Variants in RBMS3 observed in about 807,000 individuals in gnomAD.
The protein encoded by RBMS3 is RNA binding motif single stranded interacting protein 3.
RBMS3 carries 27 observed loss-of-function variants against 66.8 expected under a neutral mutation model. That is an observed-to-expected ratio of 0.40 (90% CI 0.30 to 0.56). The LOEUF (loss-of-function observed/expected upper bound fraction) is 0.56. RBMS3 is among the 20% of genes least tolerant of loss of function. RBMS3 has a pLI of 0.40. For synonymous variants in RBMS3, 188 were observed against 183.0 expected, an observed-to-expected ratio of 1.03 and a Z score of -0.22; for missense variants, 513 against 549.5, an observed-to-expected ratio of 0.93 and a Z score of 0.66.
intron 6 of RBMS3, among the ~76,000 whole-genome samples, chr3:29,859,657 G>C (rs1299289904): frequency 6.6e-6 from 1 of 152,190 alleles, no homozygotes; most frequent in Non-Finnish European, 1.5e-5. Flanking sequence ...CGCCTTGCTT[G>C]TTATTGTACA....
chr3:29,739,826 C>T lies in RBMS3; in HGVS notation c.506C>T (p.Thr169Ile). ...AAACCCTTTGGACATGTCATTTCCA[C>T]AAGAATACTAAGAGACGCTAATGGA... ...MLKPFGHVIS[T>I]RILRDANGVS... is the part of the protein sequence containing the mutation. Residue 169 changes from threonine to isoleucine, a missense_variant, in exon 5 of 15, where the codon ACA becomes ATA. Transcript: ENST00000383767. The T allele has an allele frequency of 6.2e-7, 1 of 1,613,064 alleles. No individual in the cohort carries two copies. The highest frequency in any genetic ancestry group is 1.3e-5 in the African/African-American group (1 of 74,996).
chr3:29,828,263 T>G (rs532220800), intron 6 of RBMS3, among the ~76,000 whole-genome samples: 43 of 152,296 alleles, frequency 2.8e-4, no homozygotes, highest in African/African-American at 9.6e-4. Flanking sequence ...CTCCGTCTGG[T>G]GGCTCTTTCC....
chr3:29,986,440 T>G (rs1253395821), intron 12 of RBMS3, among the ~76,000 whole-genome samples: 1 of 152,164 alleles, frequency 6.6e-6, no homozygotes, highest in Non-Finnish European at 1.5e-5. Flanking sequence ...TATGTCAATA[T>G]CAAGAAGAGG....
chr3:29,757,446 C>G (rs1447552714), intron 5 of RBMS3, among the ~76,000 whole-genome samples: 1 of 152,100 alleles, frequency 6.6e-6, no homozygotes, highest in Non-Finnish European at 1.5e-5. Context: ...ATAAAACATA[C>G]CTGTAGACTG....
chr3:29,808,660 G>A (rs541524006), intron 6 of RBMS3, among the ~76,000 whole-genome samples: 28 of 151,980 alleles, frequency 1.8e-4, no homozygotes, highest in African/African-American at 6.5e-4. Flanking sequence ...ATAATTTAAC[G>A]TCTGGGTAAT....
intron 5 of RBMS3, among the ~76,000 whole-genome samples, chr3:29,741,852 T>G (rs1188373985): frequency 6.6e-6 from 1 of 152,206 alleles, no homozygotes; most frequent in Non-Finnish European, 1.5e-5. Flanking sequence ...TGTCCTCACA[T>G]GGTCTTCCTT....
intron 12 of RBMS3, among the ~76,000 whole-genome samples, chr3:29,980,970 A>G (rs868138520): frequency 4.6e-5 from 7 of 152,178 alleles, no homozygotes; most frequent in African/African-American, 1.7e-4. Context: ...CTGTGAAGAA[A>G]GTCAGTGGTA....
chr3:29,499,267 A>G (rs560156644), intron 3 of RBMS3, among the ~76,000 whole-genome samples: 1 of 147,800 alleles, frequency 6.8e-6, no homozygotes, highest in African/African-American at 2.6e-5. Context: ...GGTGCTAGCC[A>G]TTGTTCTTAT....
At chr3:29,847,190 G>A (rs1201557178) in intron 6 of RBMS3, among the ~76,000 whole-genome samples, 4 of 152,136 alleles carry the variant, frequency 2.6e-5, no homozygotes, top group Non-Finnish European at 5.9e-5. Context: ...TTTCAATAAT[G>A]TCCAATAAAA....
At chr3:29,849,249 C>T (rs967248078) in intron 6 of RBMS3, among the ~76,000 whole-genome samples, 1 of 151,422 alleles carries the variant, frequency 6.6e-6, no homozygotes, top group East Asian at 2.0e-4. Context: ...AGCGTAGTGG[C>T]TCCCACCTGT....
chr3:29,841,469 C>T (rs1192171558), intron 6 of RBMS3, among the ~76,000 whole-genome samples: 1 of 151,964 alleles, frequency 6.6e-6, no homozygotes, highest in African/African-American at 2.4e-5. Context: ...CGATTTGTTT[C>T]CCAGTATTAA....
At chr3:29,449,501 A>G (rs1295383330) in intron 2 of RBMS3, among the ~76,000 whole-genome samples, 2 of 152,226 alleles carry the variant, frequency 1.3e-5, no homozygotes, top group Admixed American at 6.5e-5. Flanking sequence ...TAAACAACCA[A>G]ATGTTCTTAC....
At chr3:29,797,008 G>A (rs1013467805) in intron 6 of RBMS3, among the ~76,000 whole-genome samples, 4 of 151,810 alleles carry the variant, frequency 2.6e-5, no homozygotes, top group African/African-American at 9.7e-5. Context: ...CACCGAGCCC[G>A]GCCACAATGG....
intron 1 of RBMS3, among the ~76,000 whole-genome samples, chr3:29,297,889 G>A (rs1417404507): frequency 1.3e-5 from 2 of 151,856 alleles, no homozygotes; most frequent in African/African-American, 2.4e-5. Flanking sequence ...GGCTTTGGGT[G>A]TGGTATTGGG....
At chr3:29,855,936 A>C (rs2059063495) in intron 6 of RBMS3, among the ~76,000 whole-genome samples, 1 of 152,182 alleles carries the variant, frequency 6.6e-6, no homozygotes, top group Admixed American at 6.5e-5. Context: ...CAGAGACCCT[A>C]TACTCGAGAG....
At chr3:29,848,300 T>C (rs996227722) in intron 6 of RBMS3, among the ~76,000 whole-genome samples, 6 of 152,220 alleles carry the variant, frequency 3.9e-5, no homozygotes, top group African/African-American at 1.4e-4. Flanking sequence ...TTCCTATGCC[T>C]GTGCTGTATG....
rs187948685 is a variant in RBMS3, at chr3:29,299,261, T to G, written c.75+17505T>G. On this transcript the variant is annotated intron_variant, in intron 1 of 14. Transcript: ENST00000383767. ...TTGGAATTGAGAAGGGACAATATAATGACAAAACAGACTTAGATGAAACAA... is the reference window on the plus strand; with the variant it reads ...TTGGAATTGAGAAGGGACAATATAAGGACAAAACAGACTTAGATGAAACAA... Among the ~76,000 whole-genome samples the G allele has an allele frequency of 1.5e-3, 234 of 151,854 alleles. 2 individuals carry two copies. Among genetic ancestry groups the G allele is most frequent in the Non-Finnish European group, 2.9e-3 (196 of 67,882 alleles).
chr3:29,561,432 TTTGTTGTTG>T (rs372349286), intron 3 of RBMS3, among the ~76,000 whole-genome samples: 43 of 149,050 alleles, frequency 2.9e-4, no homozygotes, highest in African/African-American at 6.6e-4. Flanking sequence ...ATCTGTTGTT[TTTGTTGTTG>T]TTGTTGTTGT....
intron 4 of RBMS3, among the ~76,000 whole-genome samples, chr3:29,718,830 T>C (rs992223773): frequency 1.3e-5 from 2 of 152,194 alleles, no homozygotes; most frequent in African/African-American, 4.8e-5. Context: ...GTTCTTCAAC[T>C]AGCTTTTTAA....
Sources: allele counts gnomAD v4.1 joint callset (sites outside exome capture counted in the v4.1 genomes callset), GRCh38; gene constraint gnomAD v4.1.1; transcripts MANE v1.5; gene names NCBI Gene and HGNC (gene_info 2026-07-23, HGNC 2026-07-21).